ERGIC1: variants seen among roughly 807,000 people sequenced by gnomAD.
ERGIC1 encodes the protein endoplasmic reticulum-golgi intermediate compartment 1.
ERGIC1 carries 19 observed loss-of-function variants against 38.3 expected under a neutral mutation model. The ratio of observed to expected loss-of-function variants is 0.50; its 90% CI spans 0.35 to 0.73. ERGIC1 has a LOEUF of 0.73. Ranked by LOEUF, ERGIC1 falls within the 30% of genes least tolerant of loss-of-function variation. The pLI is 0.01. For synonymous variants in ERGIC1, 124 were observed against 157.6 expected (o/e 0.79, Z 1.60); for missense variants, 294 against 389.2 (o/e 0.76, Z 2.06).
At position 172,893,007 on chromosome 5, in the gene ERGIC1, C is replaced by T. The variant is rs149528397; in HGVS notation, c.83-3995C>T. On this transcript the variant is annotated intron_variant, in intron 2 of 9. Transcript: ENST00000393784. The stretch of plus-strand genomic sequence containing the variant: ...GCACACAGATTTCAGGAGGCCTTTC[C>T]ATCCCATCCCCCCAGCTCTGGTGCT... Among the ~76,000 whole-genome samples, 326 of 152,292 alleles carry T rather than the reference C, an allele frequency of 2.1e-3. 1 individual carries two copies. Among genetic ancestry groups the T allele is most frequent in the Non-Finnish European group, 3.6e-3 (244 of 68,034 alleles).
intron 9 of ERGIC1, 36 bp downstream of exon 9, chr5:172,935,346 C>T: frequency 5.6e-6 from 9 of 1,613,168 alleles, no homozygotes; most frequent in Non-Finnish European, 7.6e-6. Flanking sequence ...GGCCCTGAGC[C>T]AGCCACCCTG....
chr5:172,878,223 G>T (rs1338762092), intron 1 of ERGIC1, among the ~76,000 whole-genome samples: 1 of 152,174 alleles, frequency 6.6e-6, no homozygotes, highest in African/African-American at 2.4e-5. Flanking sequence ...GAGCTGCAGG[G>T]AGAAAACCTT....
At chr5:172,939,532 C>T (rs1235813300) in intron 9 of ERGIC1, among the ~76,000 whole-genome samples, 1 of 152,250 alleles carries the variant, frequency 6.6e-6, no homozygotes, top group African/African-American at 2.4e-5. Context: ...ACCCTTCCTT[C>T]GTCAGAGACC....
At chr5:172,925,396 G>A (rs1162797599) in intron 6 of ERGIC1, among the ~76,000 whole-genome samples, 1 of 152,192 alleles carries the variant, frequency 6.6e-6, no homozygotes, top group Admixed American at 6.5e-5. Context: ...TCTCAAGACA[G>A]CAAATAGACA....
At chr5:172,851,259 A>G (rs1369696310) in intron 1 of ERGIC1, among the ~76,000 whole-genome samples, 1 of 151,372 alleles carries the variant, frequency 6.6e-6, no homozygotes, top group Non-Finnish European at 1.5e-5. Context: ...CTGTAAAGCC[A>G]GCACTTTGGG....
At chr5:172,888,446 C>T (rs1301034802) in intron 1 of ERGIC1, among the ~76,000 whole-genome samples, 8 of 150,900 alleles carry the variant, frequency 5.3e-5, no homozygotes, top group South Asian at 2.1e-4. Flanking sequence ...GGTGACAGAG[C>T]GAGACCCTGT....
rs68060196 is a variant in ERGIC1, at chr5:172,834,580, G to GCCCCCCCCCC, written c.20+156_20+157insCCCCCCCCCC. ...GCAGGCCCCTAGGGACCCCAGGCGA[G>GCCCCCCCCCC]CCCCCCCCCTGCCGCACACGAAGCC... On this transcript the variant is annotated intron_variant, in intron 1 of 9. Transcript: ENST00000393784. This position sits in a 1 kb window ranked among gnomAD's most constrained non-coding sequence, Gnocchi z 4.1. 1.9e-6 allele frequency: 1 copy of GCCCCCCCCCC among 522,342 alleles called. No homozygotes were observed. The highest frequency in any genetic ancestry group is 2.7e-6 in the Non-Finnish European group (1 of 374,490). 32.4% of individuals were successfully genotyped at this position (522,342 alleles called of 1,614,324 possible). A position where few individuals can be genotyped will look rare whatever the true frequency, so the allele number is the denominator to read the frequency against.
intron 9 of ERGIC1, among the ~76,000 whole-genome samples, chr5:172,945,898 G>A (rs1021453279): frequency 2.0e-5 from 3 of 152,194 alleles, no homozygotes; most frequent in Non-Finnish European, 4.4e-5. Context: ...TGACCAGGTT[G>A]GTCGCAATCT....
At chr5:172,922,838 C>A (rs1032977102) in intron 5 of ERGIC1, among the ~76,000 whole-genome samples, 1 of 152,144 alleles carries the variant, frequency 6.6e-6, no homozygotes, top group Non-Finnish European at 1.5e-5. Context: ...AAGATCTTAA[C>A]AGTCATTATT....
At chr5:172,859,550 A>T (rs1386379528) in intron 1 of ERGIC1, among the ~76,000 whole-genome samples, 2 of 152,144 alleles carry the variant, frequency 1.3e-5, no homozygotes, top group African/African-American at 2.4e-5. Flanking sequence ...GGCTGCTCTC[A>T]TTGGCTCCAC....
intron 1 of ERGIC1, among the ~76,000 whole-genome samples, chr5:172,875,134 T>C (rs1332115423): frequency 6.6e-6 from 1 of 152,190 alleles, no homozygotes; most frequent in South Asian, 2.1e-4. Flanking sequence ...CTTTTTCTTT[T>C]ACATGCTATC....
In ERGIC1 at chr5:172,951,504, G is replaced by C. The variant is rs1238538781; in HGVS notation, c.*688G>C. ...TGCTCAGCAGCAGCGGTAGAGACTTGAATCTGCCCACCAGTCACAAGGCGG... is the reference window on the plus strand; with the variant it reads ...TGCTCAGCAGCAGCGGTAGAGACTTCAATCTGCCCACCAGTCACAAGGCGG... On this transcript the variant is annotated 3_prime_UTR_variant, in exon 10 of 10. Coordinates refer to ENST00000393784, the MANE Select transcript of ERGIC1 (RefSeq NM_001031711.3). 1 of 152,324 alleles carries C rather than the reference G, an allele frequency of 6.6e-6. No individual in the cohort carries two copies. Among genetic ancestry groups the C allele is most frequent in the African/African-American group, 2.4e-5 (1 of 41,450 alleles). 9.4% of individuals were successfully genotyped at this position (152,324 alleles called of 1,614,324 possible).
chr5:172,906,072 G>A, intron 3 of ERGIC1: 2 of 456,170 alleles, frequency 4.4e-6, no homozygotes, highest in South Asian at 3.1e-5. Context: ...AATCCAGCTA[G>A]TCCTGTCTGT....
chr5:172,943,046 T>C (rs1212279583), intron 9 of ERGIC1, among the ~76,000 whole-genome samples: 1 of 152,144 alleles, frequency 6.6e-6, no homozygotes, highest in East Asian at 1.9e-4. Context: ...ACCTGGCTTC[T>C]AGTGATCCTT....
intron 2 of ERGIC1, among the ~76,000 whole-genome samples, chr5:172,893,905 A>ATATATATATATGTG (rs1173039695): frequency 8.4e-4 from 13 of 15,538 alleles, no homozygotes; most frequent in South Asian, 5.6e-3. Context: ...ATATATATAT[A>ATATATATATATGTG]TGTGTGTGTG....
chr5:172,886,559 G>A (rs1449317618), intron 1 of ERGIC1, among the ~76,000 whole-genome samples: 1 of 152,206 alleles, frequency 6.6e-6, no homozygotes, highest in Admixed American at 6.5e-5. Context: ...GCCTAAAAGA[G>A]GGGGTGTGTT....
In ERGIC1 at chr5:172,932,481, A is replaced by T. The variant is rs1763800325; in HGVS notation, c.587A>T (p.Tyr196Phe). ...DYILKIVPTV[Y>F]EDKSGKQRYS... ...ATCCTGAAGATTGTGCCCACGGTTTATGAGGACAAGAGTGGCAAGCAGCGG... is the reference window on the plus strand; with the variant it reads ...ATCCTGAAGATTGTGCCCACGGTTTTTGAGGACAAGAGTGGCAAGCAGCGG... The change falls in exon 8 of 10, where the codon TAT becomes TTT. Residue 196 changes from tyrosine (Y) to phenylalanine (F), a missense_variant. By Grantham distance (22) the Tyr-to-Phe change is conservative. Transcript: ENST00000393784. 1.9e-6 allele frequency: 3 copies of T among 1,614,058 alleles called. No homozygotes were observed. In the Admixed American group the frequency reaches 5.0e-5, roughly 27 times the overall value.
At chr5:172,910,168 G>T (rs1763170728) in intron 4 of ERGIC1, among the ~76,000 whole-genome samples, 1 of 152,182 alleles carries the variant, frequency 6.6e-6, no homozygotes, top group Non-Finnish European at 1.5e-5. Flanking sequence ...GATCTCACAG[G>T]ATGCTGTGGG....
chr5:172,893,868 GATATATATATATATATAT>G (rs1191189327), intron 2 of ERGIC1, among the ~76,000 whole-genome samples: 11 of 28,214 alleles, frequency 3.9e-4, no homozygotes, highest in African/African-American at 5.9e-4. Flanking sequence ...CACTTAGGGG[GATATATATATATATATAT>G]ATATATATAT....
Sources: allele counts gnomAD v4.1 joint callset (sites outside exome capture counted in the v4.1 genomes callset), GRCh38; gene constraint gnomAD v4.1.1; non-coding constraint Gnocchi (gnomAD v3.1); transcripts MANE v1.5; gene names NCBI Gene and HGNC (gene_info 2026-07-23, HGNC 2026-07-21).